The following PDHA1 variants were observed in gnomAD, a reference collection of about 807,000 sequenced individuals.
PDHA1 encodes the protein pyruvate dehydrogenase E1 component subunit alpha, somatic form, mitochondrial.
PDHA1 carries 1 observed loss-of-function variant against 33.0 expected under a neutral mutation model. The ratio of observed to expected loss-of-function variants is 0.03; its 90% CI spans 0.01 to 0.14. The LOEUF is 0.14. Among genes scored for constraint, PDHA1 ranks in the 10% least tolerant of loss-of-function variants. PDHA1 has a pLI of 1.00. For missense variants in PDHA1, 168 were observed against 325.1 expected (o/e 0.52, Z 3.72); for synonymous variants, 123 against 119.2 (o/e 1.03, Z -0.21).
At position 19,358,253 on chromosome X, in the gene PDHA1, G is replaced by C. The variant is rs143188506; in HGVS notation, c.899+534G>C. ...ATTCTGGAATCCCAGTTTTGACACA[G>C]TTGAATAAATAAGCCTTTGTAGAGT... On this transcript the variant is annotated intron_variant, in intron 9 of 10. Transcript: ENST00000422285. 2.8e-4 allele frequency among the ~76,000 whole-genome samples: 31 copies of C among 112,469 alleles called. No individual in the cohort carries two copies. The East Asian group carries it at 8.6e-3, about 31-fold the overall frequency.
chrX:19,354,462 G>T, intron 5 of PDHA1, 29 bp from the exon 6 acceptor site: 1 of 935,585 alleles, frequency 1.1e-6, no homozygotes, highest in Non-Finnish European at 1.6e-6. Flanking sequence ...GATTTCTGTG[G>T]TTCCTTTCTC....
intron 4 of PDHA1, 120 bp downstream of exon 4, chrX:19,351,527 T>C: frequency 3.3e-6 from 2 of 600,143 alleles, no homozygotes; most frequent in South Asian, 3.0e-5. Context: ...TTTAACCCTC[T>C]CTCCTTTGGT....
At chrX:19,346,481 G>A in intron 1 of PDHA1, 1 of 427,855 alleles carries the variant, frequency 2.3e-6, no homozygotes, top group Admixed American at 3.1e-5. Context: ...ACCACACCCA[G>A]CCAATTAAAA....
intron 6 of PDHA1, 22 bp downstream of exon 6, chrX:19,354,605 C>A (rs774254122): frequency 1.1e-6 from 1 of 897,878 alleles, no homozygotes; most frequent in South Asian, 2.0e-5. Context: ...TCTTAACTTC[C>A]CAAAAACAGT....
At chrX:19,345,643 G>A (rs1246417307) in intron 1 of PDHA1, 1 of 176,779 alleles carries the variant, frequency 5.7e-6, no homozygotes, top group Non-Finnish European at 1.1e-5. Flanking sequence ...GGGCTGTACC[G>A]GTAGTTACGG....
chrX:19,345,572 TAAA>T (rs11318265), intron 1 of PDHA1, among the ~76,000 whole-genome samples: 55 of 30,270 alleles, frequency 1.8e-3, no homozygotes, highest in South Asian at 0.011. Context: ...CTCCGTATTT[TAAA>T]AAAAAAAAAA....
intron 4 of PDHA1, among the ~76,000 whole-genome samples, chrX:19,352,588 C>T (rs897375970): frequency 8.9e-6 from 1 of 112,547 alleles, no homozygotes; most frequent in African/African-American, 3.2e-5. Context: ...GGGATTGGTT[C>T]TAGGACCCTC....
rs1281051969 is a variant in PDHA1, at chrX:19,351,291, G to C, written c.302G>C (p.Cys101Ser). 1 of 1,206,325 alleles carries C rather than the reference G, an allele frequency of 8.3e-7. No homozygotes were observed. Among genetic ancestry groups the C allele is most frequent in the Admixed American group, 2.2e-5 (1 of 46,010 alleles). Residue 101 changes from cysteine (C) to serine (S), a missense_variant, in exon 4 of 11, where the codon TGT becomes TCT. By Grantham distance (112) the Cys-to-Ser change is moderately radical. Transcript: ENST00000422285. Reference protein sequence around the residue: ...CHLCDGQEACCVGLEAGINPT... With the variant: ...CHLCDGQEACSVGLEAGINPT... ...CTTCCTCTAACACAGGAAGCTTGCT[G>C]TGTGGGCCTGGAGGCCGGCATCAAC...
At chrX:19,355,231 AGAG>A (rs967623215) in intron 6 of PDHA1, 115 bp from the exon 7 acceptor site, 16 of 897,432 alleles carry the variant, frequency 1.8e-5, no homozygotes, top group Non-Finnish European at 2.6e-5. Flanking sequence ...CGGTTTTAGA[AGAG>A]GAGGCTTTCT....
chrX:19,349,333 TC>T lies in PDHA1; in HGVS notation c.82del (p.Arg28ValfsTer40). The T allele has an allele frequency of 8.4e-7, 1 of 1,191,248 alleles. No individual in the cohort carries two copies. The highest frequency in any genetic ancestry group is 2.5e-4 in the Middle Eastern group (1 of 4,076). ...QKPASRVLVA[S>X]RNFANDATFE... ...TAAGGCAAGCAGAGTGCTGGTAGCATCCCGTAATTTTGCAAATGATGCTACA... is the reference window on the plus strand; with the variant it reads ...TAAGGCAAGCAGAGTGCTGGTAGCATCCGTAATTTTGCAAATGATGCTACA... On this transcript the variant is annotated frameshift_variant, in exon 2 of 11. Transcript: ENST00000422285. LOFTEE classifies it high-confidence loss of function.
chrX:19,348,731 G>T (rs939180929), intron 1 of PDHA1, among the ~76,000 whole-genome samples: 2 of 112,064 alleles, frequency 1.8e-5, no homozygotes, highest in African/African-American at 6.5e-5. Context: ...ATCACCTGAG[G>T]TCAGGAGTTG....
chrX:19,360,756 T>C lies in PDHA1; in HGVS notation c.*1103T>C. On this transcript the variant is annotated 3_prime_UTR_variant, in exon 11 of 11. Coordinates refer to ENST00000422285, the MANE Select transcript of PDHA1 (RefSeq NM_000284.4). ...CAGCTTAGCTGATTGGTATCAAGCC[T>C]TGTCTTTGGTTTCTGAGGCCTCCTG... The C allele has an allele frequency of 8.3e-7, 1 of 1,206,594 alleles. No homozygotes were observed.
intron 8 of PDHA1, among the ~76,000 whole-genome samples, chrX:19,356,765 C>T (rs2063203353): frequency 1.1e-5 from 1 of 89,896 alleles, no homozygotes; most frequent in Non-Finnish European, 1.9e-5. Context: ...GCCCATTTTG[C>T]AGACAAGGAA....
At chrX:19,358,803 T>G in intron 9 of PDHA1, 113 bp from the exon 10 acceptor site, 1 of 535,962 alleles carries the variant, frequency 1.9e-6, no homozygotes, top group Non-Finnish European at 3.4e-6. Flanking sequence ...AGAAACACAC[T>G]TCTGTATTTC....
intron 6 of PDHA1, 153 bp from the exon 7 acceptor site, chrX:19,355,196 C>T (rs1238083435): frequency 1.3e-5 from 8 of 624,531 alleles, no homozygotes; most frequent in African/African-American, 1.1e-4. Context: ...ACCACCCACC[C>T]CGCTTTCCCT....
rs200088791 is a variant in PDHA1 at position 19,358,943 on chromosome X, A to C, written c.927A>C (p.Glu309Asp). The C allele has an allele frequency of 8.4e-7, 1 of 1,187,045 alleles. No homozygotes were observed. Residue 309 changes from glutamate to aspartate, a missense_variant, in exon 10 of 11, where the codon GAA becomes GAC. By Grantham distance (45) the Glu-to-Asp change is conservative. Transcript: ENST00000422285. ...VSYRTREEIQ[E>D]VRSKSDPIML... ...ACCGTACACGAGAAGAAATTCAGGA[A>C]GTAAGAAGTAAGAGTGACCCTATTA...
chrX:19,348,941 G>A (rs1263003521), intron 1 of PDHA1, among the ~76,000 whole-genome samples: 1 of 112,085 alleles, frequency 8.9e-6, no homozygotes, highest in Non-Finnish European at 1.9e-5. Context: ...GCAAAACTCC[G>A]TCTCAAAACA....
intron 8 of PDHA1, among the ~76,000 whole-genome samples, chrX:19,356,483 C>T (rs1417959424): frequency 9.0e-6 from 1 of 111,694 alleles, no homozygotes; most frequent in Non-Finnish European, 1.9e-5. Context: ...AATGTAGTAA[C>T]ATTAAATAAG....
chrX:19,349,574 G>A (rs2063152796), intron 2 of PDHA1, among the ~76,000 whole-genome samples: 1 of 111,681 alleles, frequency 9.0e-6, no homozygotes, highest in African/African-American at 3.3e-5. Flanking sequence ...GGAAGGGGGA[G>A]GAGCTAGAAA....
Sources: allele counts gnomAD v4.1 joint callset (sites outside exome capture counted in the v4.1 genomes callset), GRCh38; gene constraint gnomAD v4.1.1; transcripts MANE v1.5; gene names NCBI Gene and HGNC (gene_info 2026-07-23, HGNC 2026-07-21).